XKR9: variants seen among roughly 807,000 people sequenced by gnomAD.
The protein encoded by XKR9 is XK related 9.
Under a neutral mutation model 32.0 loss-of-function variants are expected in XKR9, and 32 were observed. The observed-to-expected ratio is 1.00, with a 90% CI of 0.76 to 1.34. The LOEUF is 1.34. Ranked by LOEUF, XKR9 falls within the 40% of genes most tolerant of loss-of-function variation. The probability of loss-of-function intolerance (pLI) is 0.00; values close to 1 mark genes in which losing one functional copy is unlikely to be tolerated. For missense variants in XKR9, 546 were observed against 429.7 expected (o/e 1.27, Z -2.39); for synonymous variants, 168 against 143.4 (o/e 1.17, Z -1.22).
the XKR9 span, among the ~76,000 whole-genome samples, chr8:70,833,839 CA>C: frequency 6.6e-6 from 1 of 151,918 alleles, no homozygotes. Context: ...GGTGCCCCTC[CA>C]AAAAACATAG....
intron 3 of XKR9, among the ~76,000 whole-genome samples, chr8:70,697,097 G>C (rs1426427685): frequency 6.6e-6 from 1 of 150,842 alleles, no homozygotes; most frequent in African/African-American, 2.4e-5. Flanking sequence ...AGACAATGGG[G>C]TTTTCTAGAT....
the XKR9 span, among the ~76,000 whole-genome samples, chr8:71,003,839 A>G: frequency 2.6e-5 from 4 of 152,354 alleles, no homozygotes; most frequent in Non-Finnish European, 4.4e-5. Context: ...GACCTTCCCA[A>G]GAAGTAATGT....
At chr8:71,013,790 A>T in the XKR9 span, among the ~76,000 whole-genome samples, 10 of 152,172 alleles carry the variant, frequency 6.6e-5, no homozygotes, top group Non-Finnish European at 1.2e-4. Context: ...TCCATAGGGC[A>T]GTCTACATCC....
Position 70,757,548 on chromosome 8 carries a change from C to CATGTATGTATGT in XKR9, n.353-31763_353-31752dup, listed in dbSNP as rs57117853. On this transcript the variant is annotated intron_variant and non_coding_transcript_variant, in intron 2 of 3. Coordinates refer to the XKR9 transcript ENST00000520273. Reference sequence around the variant, plus strand: ...ATATATCTTTCTTTACTTCTTTCATCATGTATGTATGTATGTATGTATGTA... The same window carrying CATGTATGTATGT: ...ATATATCTTTCTTTACTTCTTTCATCATGTATGTATGTATGTATGTATGTATGTATGTATGTA... Among the ~76,000 whole-genome samples the CATGTATGTATGT allele has an allele frequency of 6.2e-3, 932 of 150,334 alleles. 3 individuals carry two copies. The highest frequency in any genetic ancestry group is 0.016 in the East Asian group (84 of 5,102).
the XKR9 span, among the ~76,000 whole-genome samples, chr8:70,817,460 C>A: frequency 6.6e-6 from 1 of 152,092 alleles, no homozygotes; most frequent in African/African-American, 2.4e-5. Context: ...CAAAACACTG[C>A]TGAAAGAAAT....
intron 4 of XKR9, among the ~76,000 whole-genome samples, chr8:70,724,035 C>T (rs1244255362): frequency 3.9e-5 from 6 of 152,028 alleles, no homozygotes; most frequent in Non-Finnish European, 5.9e-5. Context: ...GAATTTTATC[C>T]GTAAGCCCCT....
the XKR9 span, among the ~76,000 whole-genome samples, chr8:70,932,046 G>C: frequency 6.6e-6 from 1 of 152,102 alleles, no homozygotes; most frequent in Non-Finnish European, 1.5e-5. Flanking sequence ...CATTTCACAC[G>C]TATTAGACAG....
At chr8:70,983,255 T>C in the XKR9 span, among the ~76,000 whole-genome samples, 1 of 152,196 alleles carries the variant, frequency 6.6e-6, no homozygotes, top group Admixed American at 6.5e-5. Context: ...TGCCTGACTA[T>C]TCCTATTTGT....
intron 2 of XKR9, among the ~76,000 whole-genome samples, chr8:70,751,210 C>T (rs1389689874): frequency 3.9e-5 from 6 of 152,178 alleles, no homozygotes; most frequent in Non-Finnish European, 1.5e-5. Context: ...TCACTGCAGC[C>T]TCCGCCTCCT....
At chr8:71,013,573 GC>G in the XKR9 span, among the ~76,000 whole-genome samples, 4 of 152,188 alleles carry the variant, frequency 2.6e-5, no homozygotes, top group Admixed American at 6.5e-5. Flanking sequence ...TCATAAAGGA[GC>G]CTTAGAAGAG....
chr8:70,676,520 C>T (rs1195853393), intron 2 of XKR9, among the ~76,000 whole-genome samples: 1 of 152,140 alleles, frequency 6.6e-6, no homozygotes, highest in Non-Finnish European at 1.5e-5. Context: ...GAAAGACCTG[C>T]AGCTCTCTTT....
At chr8:70,772,993 A>C (rs1467494398) in intron 2 of XKR9, among the ~76,000 whole-genome samples, 1 of 152,220 alleles carries the variant, frequency 6.6e-6, no homozygotes, top group African/African-American at 2.4e-5. Flanking sequence ...TCAATAGGTC[A>C]TGAAAATATT....
At chr8:70,943,904 A>G in the XKR9 span, among the ~76,000 whole-genome samples, 4 of 152,164 alleles carry the variant, frequency 2.6e-5, no homozygotes, top group Admixed American at 1.3e-4. Flanking sequence ...TATTTTTAGT[A>G]AAGTTATATT....
intron 3 of XKR9, among the ~76,000 whole-genome samples, chr8:70,789,880 GC>G (rs1386387120): frequency 6.6e-6 from 1 of 151,924 alleles, no homozygotes; most frequent in Non-Finnish European, 1.5e-5. Context: ...CAATGCCAAT[GC>G]CAATCATACT....
At chr8:70,956,328 A>G in the XKR9 span, among the ~76,000 whole-genome samples, 1 of 152,070 alleles carries the variant, frequency 6.6e-6, no homozygotes, top group African/African-American at 2.4e-5. Flanking sequence ...AGTCATCTTG[A>G]TGAGTGAGTG....
chr8:70,820,078 G>T, the XKR9 span, among the ~76,000 whole-genome samples: 1 of 152,104 alleles, frequency 6.6e-6, no homozygotes, highest in Non-Finnish European at 1.5e-5. Flanking sequence ...AAAGCAGGAA[G>T]GTCATTCTCT....
the XKR9 span, among the ~76,000 whole-genome samples, chr8:70,943,451 A>C: frequency 1.3e-5 from 2 of 152,192 alleles, no homozygotes; most frequent in African/African-American, 4.8e-5. Flanking sequence ...CTCAAAAATT[A>C]AGGGAAAACT....
the XKR9 span, among the ~76,000 whole-genome samples, chr8:70,821,929 T>G: frequency 1.3e-5 from 2 of 152,232 alleles, no homozygotes; most frequent in Admixed American, 6.5e-5. Context: ...TAACATTTGA[T>G]TCCTCATTAC....
chr8:70,706,440 G>A (rs1805720350), intron 3 of XKR9, among the ~76,000 whole-genome samples: 1 of 152,040 alleles, frequency 6.6e-6, no homozygotes, highest in Non-Finnish European at 1.5e-5. Context: ...CTTCAACCTT[G>A]ATATTCTCTT....
Sources: allele counts gnomAD v4.1 joint callset (sites outside exome capture counted in the v4.1 genomes callset), GRCh38; gene constraint gnomAD v4.1.1; transcripts MANE v1.5; gene names NCBI Gene and HGNC (gene_info 2026-07-23, HGNC 2026-07-21).